EDAR: variants seen among roughly 807,000 people sequenced by gnomAD.
EDAR encodes the protein ectodysplasin A receptor, also known as tumor necrosis factor receptor superfamily member EDAR.
EDAR carries 38 observed loss-of-function variants against 51.3 expected under a neutral mutation model. The observed-to-expected ratio is 0.74, with a 90% CI of 0.57 to 0.97. The LOEUF is 0.97. EDAR is among the 50% of genes least tolerant of loss of function. The probability of loss-of-function intolerance (pLI) is 0.00; values close to 1 mark genes in which losing one functional copy is unlikely to be tolerated. For synonymous variants in EDAR, 227 were observed against 242.1 expected (o/e 0.94, Z 0.58); for missense variants, 528 against 595.0 (o/e 0.89, Z 1.17).
intron 1 of EDAR, among the ~76,000 whole-genome samples, chr2:108,949,789 G>C (rs193119069): frequency 3.3e-5 from 5 of 152,290 alleles, no homozygotes; most frequent in African/African-American, 1.2e-4. Context: ...CAGTTAAGAT[G>C]ATGAGGTATG....
At position 108,987,404 on chromosome 2, in the gene EDAR, G is replaced by GGCT. The variant is rs201522468; in HGVS notation, c.-19+1553_-19+1555dup. Among the ~76,000 whole-genome samples, 114 of 152,298 alleles carry GGCT rather than the reference G, an allele frequency of 7.5e-4. 4 individuals carry two copies. The East Asian group carries it at 0.015, about 20-fold the overall frequency. ...CTGTCTGCACTCCGGAGCAATGTTGGGCTGCCGCCCAATGGCAGGCACTGG... is the reference window on the plus strand; with the variant it reads ...CTGTCTGCACTCCGGAGCAATGTTGGGCTGCTGCCGCCCAATGGCAGGCACTGG... On this transcript the variant is annotated intron_variant, in intron 1 of 11. Coordinates refer to ENST00000258443, the MANE Select transcript of EDAR (RefSeq NM_022336.4).
intron 1 of EDAR, among the ~76,000 whole-genome samples, chr2:108,971,640 ATT>A (rs913313537): frequency 1.3e-5 from 2 of 152,204 alleles, no homozygotes; most frequent in African/African-American, 4.8e-5. Context: ...CAGCTCTCTC[ATT>A]TTATGGAAGA....
intron 1 of EDAR, among the ~76,000 whole-genome samples, chr2:108,978,338 C>G (rs1274142809): frequency 6.6e-6 from 1 of 152,196 alleles, no homozygotes; most frequent in Non-Finnish European, 1.5e-5. Flanking sequence ...CCAATAATCA[C>G]CATCTTATTA....
intron 1 of EDAR, among the ~76,000 whole-genome samples, chr2:108,972,628 A>T (rs1338423353): frequency 6.6e-6 from 1 of 152,270 alleles, no homozygotes; most frequent in Non-Finnish European, 1.5e-5. Flanking sequence ...CACAAGGGTG[A>T]CGGGTGTCTT....
At chr2:108,966,735 C>T (rs1254972934) in intron 1 of EDAR, among the ~76,000 whole-genome samples, 1 of 152,202 alleles carries the variant, frequency 6.6e-6, no homozygotes, top group Non-Finnish European at 1.5e-5. Flanking sequence ...AGCTACTGAG[C>T]CCACATGGCC....
At chr2:108,971,978 C>T (rs540286563) in intron 1 of EDAR, among the ~76,000 whole-genome samples, 4 of 152,314 alleles carry the variant, frequency 2.6e-5, no homozygotes, top group African/African-American at 9.6e-5. Context: ...GCTCCCGTGG[C>T]CCGGAGCTGA....
rs148517117 is a variant in EDAR at position 108,949,585 on chromosome 2, C to T, written c.-18-18553G>A. ...CTTGCAATTAATTGCATCATAAAATCTTTTTTTTTCCTAAAAATGTGATGA... is the reference window on the plus strand; with the variant it reads ...CTTGCAATTAATTGCATCATAAAATTTTTTTTTTTCCTAAAAATGTGATGA... On this transcript the variant is annotated intron_variant, in intron 1 of 11. Transcript: ENST00000258443. Among the ~76,000 whole-genome samples the T allele has an allele frequency of 4.6e-5, 7 of 151,676 alleles. No individual in the cohort carries two copies. The East Asian group carries it at 1.2e-3, about 25-fold the overall frequency.
At chr2:108,959,014 C>G (rs771515156) in intron 1 of EDAR, among the ~76,000 whole-genome samples, 2 of 152,200 alleles carry the variant, frequency 1.3e-5, no homozygotes, top group Non-Finnish European at 2.9e-5. Flanking sequence ...AATTGGCACC[C>G]ATGAAGAACG....
chr2:108,929,026 C>T (rs1042198631), intron 4 of EDAR, among the ~76,000 whole-genome samples, 172 bp downstream of exon 4: 1 of 152,206 alleles, frequency 6.6e-6, no homozygotes, highest in Admixed American at 6.5e-5. Context: ...CCGGAGGGGC[C>T]AGGACTCTCC....
At chr2:108,924,840 T>C (rs1409291851) in intron 4 of EDAR, among the ~76,000 whole-genome samples, 1 of 152,240 alleles carries the variant, frequency 6.6e-6, no homozygotes, top group African/African-American at 2.4e-5. Context: ...CTTCTTTCTA[T>C]GAGGCAGGCC....
intron 1 of EDAR, among the ~76,000 whole-genome samples, chr2:108,931,327 G>C (rs930809402): frequency 1.3e-5 from 2 of 152,206 alleles, no homozygotes; most frequent in Admixed American, 6.5e-5. Context: ...CGTGCTCAGA[G>C]GGTTTGGAGA....
At position 108,968,463 on chromosome 2, in the gene EDAR, G is replaced by A. The variant is rs577613364; in HGVS notation, c.-19+20497C>T. 5.9e-5 allele frequency among the ~76,000 whole-genome samples: 9 copies of A among 152,312 alleles called. No homozygotes were observed. The East Asian group carries it at 7.7e-4, about 13-fold the overall frequency. ...ATTATGGGGAGGTTTGTCCCCAGCA[G>A]TTCTAACCAGGATGAGGTAACACAG... On this transcript the variant is annotated intron_variant, in intron 1 of 11. Transcript: ENST00000258443.
chr2:108,973,732 A>T (rs897690383), intron 1 of EDAR, among the ~76,000 whole-genome samples: 3 of 152,170 alleles, frequency 2.0e-5, no homozygotes, highest in Admixed American at 6.5e-5. Flanking sequence ...AAACCTGGAA[A>T]TTTTTTGGCT....
At chr2:108,930,586 G>C (rs960397210) in intron 2 of EDAR, among the ~76,000 whole-genome samples, 1 of 152,160 alleles carries the variant, frequency 6.6e-6, no homozygotes, top group African/African-American at 2.4e-5. Context: ...CTCTAATACA[G>C]TGGCTTCTCA....
At chr2:108,968,160 T>C (rs1558838357) in intron 1 of EDAR, among the ~76,000 whole-genome samples, 1 of 152,126 alleles carries the variant, frequency 6.6e-6, no homozygotes, top group Non-Finnish European at 1.5e-5. Context: ...TTGTTCTCAC[T>C]TTAGTGGAAA....
At chr2:108,930,462 C>A (rs1395914693) in intron 2 of EDAR, among the ~76,000 whole-genome samples, 1 of 152,084 alleles carries the variant, frequency 6.6e-6, no homozygotes, top group African/African-American at 2.4e-5. Flanking sequence ...CTAGAACCAC[C>A]CTGCCTCACC....
At chr2:108,925,631 TC>T (rs201534975) in intron 4 of EDAR, among the ~76,000 whole-genome samples, 5,481 of 151,982 alleles carry the variant, frequency 0.036, 329 homozygotes, top group African/African-American at 0.12. Context: ...CTTTTTTTTT[TC>T]CCCCTGAAAC....
chr2:108,946,926 C>T (rs1395216660), intron 1 of EDAR, among the ~76,000 whole-genome samples: 2 of 152,092 alleles, frequency 1.3e-5, no homozygotes, highest in Admixed American at 1.3e-4. Flanking sequence ...ACCAATCATG[C>T]CTTCCCAACA....
chr2:108,942,652 G>A (rs1193937446), intron 1 of EDAR, among the ~76,000 whole-genome samples: 2 of 152,170 alleles, frequency 1.3e-5, no homozygotes, highest in Non-Finnish European at 2.9e-5. Context: ...CACGCCAGAG[G>A]CCTTTCAAGA....
Sources: allele counts gnomAD v4.1 joint callset (sites outside exome capture counted in the v4.1 genomes callset), GRCh38; gene constraint gnomAD v4.1.1; transcripts MANE v1.5; gene names NCBI Gene and HGNC (gene_info 2026-07-23, HGNC 2026-07-21).